Variants in CATSPERE observed in about 807,000 individuals in gnomAD.
The protein encoded by CATSPERE is cation channel sperm-associated auxiliary subunit epsilon.
In CATSPERE, 93 loss-of-function variants were observed where a neutral mutation model predicts 114.1. The observed-to-expected ratio is 0.81, with a 90% CI of 0.69 to 0.97. The LOEUF (loss-of-function observed/expected upper bound fraction) is 0.97, where lower values mean the gene tolerates loss of function less well. CATSPERE is among the 50% of genes least tolerant of loss of function. CATSPERE has a pLI of 0.00. For missense variants in CATSPERE, 1,058 were observed against 1,131.6 expected (o/e 0.93, Z 0.93); for synonymous variants, 341 against 384.1 (o/e 0.89, Z 1.31).
At chr1:244,455,545 CT>C (rs1421173672) in intron 1 of CATSPERE, among the ~76,000 whole-genome samples, 4 of 150,442 alleles carry the variant, frequency 2.7e-5, no homozygotes, top group Non-Finnish European at 5.9e-5. Context: ...TAAAAGTCAG[CT>C]TAATTAAAAG....
At chr1:244,523,818 C>G (rs1223093036) in intron 8 of CATSPERE, among the ~76,000 whole-genome samples, 1 of 147,332 alleles carries the variant, frequency 6.8e-6, no homozygotes, top group Admixed American at 6.7e-5. Flanking sequence ...CTACAAACCA[C>G]TGCTCAATGA....
In CATSPERE at chr1:244,590,505, G is replaced by A. The variant is rs551353302; in HGVS notation, c.2139-1176G>A. The stretch of plus-strand genomic sequence containing the variant: ...CAATGGAATTAAGTACCTTCACGAT[G>A]TTGTACAGCTAGCACCACTATCTAG... On this transcript the variant is annotated intron_variant, in intron 14 of 21. Coordinates refer to ENST00000366534, the MANE Select transcript of CATSPERE (RefSeq NM_001130957.2). Among the ~76,000 whole-genome samples the A allele has an allele frequency of 1.7e-4, 26 of 152,296 alleles. 1 individual carries two copies. Among genetic ancestry groups the A allele is most frequent in the Admixed American group, 1.6e-3 (24 of 15,300 alleles).
At chr1:244,454,284 A>C (rs1665918691), upstream of CATSPERE, 1 of 152,238 alleles carries the variant, frequency 6.6e-6, no homozygotes, top group Admixed American at 6.5e-5. Flanking sequence ...GGAGTGGATC[A>C]AAGACAACAG....
intron 8 of CATSPERE, among the ~76,000 whole-genome samples, chr1:244,536,993 C>G (rs1680488911): frequency 1.3e-5 from 2 of 151,724 alleles, no homozygotes; most frequent in South Asian, 4.2e-4. Context: ...CATCTGCAAA[C>G]AAAAACCAGT....
intron 4 of CATSPERE, 50 bp from the exon 5 acceptor site, chr1:244,479,667 C>T (rs1341041759): frequency 1.7e-6 from 2 of 1,159,036 alleles, no homozygotes; most frequent in South Asian, 1.3e-5. Flanking sequence ...TCCATATTTG[C>T]ATTTGATTTA....
rs1224936229 is a variant in CATSPERE at position 244,565,750 on chromosome 1, AGATTTC to A, written c.1507+4606_1507+4611del. 2.2e-3 allele frequency among the ~76,000 whole-genome samples: 341 copies of A among 152,100 alleles called. 1 individual carries two copies. Among genetic ancestry groups the A allele is most frequent in the African/African-American group, 7.9e-3 (327 of 41,512 alleles). On this transcript the variant is annotated intron_variant, in intron 10 of 21. Coordinates refer to ENST00000366534, the MANE Select transcript of CATSPERE (RefSeq NM_001130957.2). ...AGATTTCATAGATTCATAGATTCATAGATTTCAAGATTCATAGATTCTTTTCAAAAA... is the reference window on the plus strand; with the variant it reads ...AGATTTCATAGATTCATAGATTCATAAAGATTCATAGATTCTTTTCAAAAA...
chr1:244,623,458 A>G (rs1672667339), intron 20 of CATSPERE, among the ~76,000 whole-genome samples: 1 of 152,232 alleles, frequency 6.6e-6, no homozygotes, highest in South Asian at 2.1e-4. Flanking sequence ...CACTCGTTAT[A>G]TCCATGTGTG....
At position 244,573,451 on chromosome 1, in the gene CATSPERE, C is replaced by T. The variant is rs924360882; in HGVS notation, c.1950+679C>T. On this transcript the variant is annotated intron_variant, in intron 11 of 21. Transcript: ENST00000366534. The surrounding 1 kb of genome is among the most constrained non-coding windows in gnomAD (Gnocchi z 4.0). ...ACAAAACAAAACAAAACAAAAAAAC[C>T]AATTCTATCCGTCAATAGTTTGGGC... Among the ~76,000 whole-genome samples the T allele has an allele frequency of 1.5e-5, 2 of 130,876 alleles. No individual in the cohort carries two copies. The highest frequency in any genetic ancestry group is 3.2e-5 in the Non-Finnish European group (2 of 61,596). 85.9% of individuals were successfully genotyped at this position (130,876 alleles called of 152,430 possible).
At chr1:244,493,838 A>C (rs1427140960) in intron 6 of CATSPERE, among the ~76,000 whole-genome samples, 4 of 152,244 alleles carry the variant, frequency 2.6e-5, no homozygotes, top group Non-Finnish European at 1.5e-5. Flanking sequence ...CAGCCAAAAA[A>C]CACATGAAAA....
Position 244,638,711 on chromosome 1 carries a change from C to T in CATSPERE, c.2703-1217C>T, listed in dbSNP as rs114979724. ...TATTTAATCTACCTTAAAACTGATCCGTCAGGGCAATTACATATAGCCATA... is the reference window on the plus strand; with the variant it reads ...TATTTAATCTACCTTAAAACTGATCTGTCAGGGCAATTACATATAGCCATA... On this transcript the variant is annotated intron_variant, in intron 21 of 21. Coordinates refer to ENST00000366534, the MANE Select transcript of CATSPERE (RefSeq NM_001130957.2). Among the ~76,000 whole-genome samples the T allele has an allele frequency of 9.4e-3, 1,430 of 152,270 alleles. 6 individuals are homozygous for T. The highest frequency in any genetic ancestry group is 0.037 in the Middle Eastern group (11 of 294).
At chr1:244,579,234 A>C (rs1665806250) in intron 11 of CATSPERE, among the ~76,000 whole-genome samples, 1 of 151,468 alleles carries the variant, frequency 6.6e-6, no homozygotes. Flanking sequence ...CACATAGTAC[A>C]GTGTGTACTG....
At chr1:244,545,903 A>C (rs3003235) in intron 8 of CATSPERE, among the ~76,000 whole-genome samples, 107,990 of 152,104 alleles carry the variant, frequency 0.71, 40,290 homozygotes, top group East Asian at 0.87. Flanking sequence ...ATTTGCACCT[A>C]TGGTCTCATG....
upstream of CATSPERE, among the ~76,000 whole-genome samples, chr1:244,458,660 T>C (rs893497479): frequency 2.0e-5 from 3 of 152,262 alleles, no homozygotes; most frequent in Non-Finnish European, 4.4e-5. Flanking sequence ...GAGTAAAATA[T>C]ACTCCTGTGA....
intron 6 of CATSPERE, among the ~76,000 whole-genome samples, chr1:244,498,065 A>G (rs1673404226): frequency 6.6e-6 from 1 of 152,214 alleles, no homozygotes; most frequent in African/African-American, 2.4e-5. Context: ...TCAAAGTTGT[A>G]CAAAGTTGCT....
In CATSPERE at chr1:244,543,347, C is replaced by T. The variant is rs150070641; in HGVS notation, c.537-8975C>T. On this transcript the variant is annotated intron_variant, in intron 8 of 21. Transcript: ENST00000366534. ...TGTCACGTGCAACAACATAGGGAAA[C>T]CCGAAGGACATAACACTAAGTGAAA... is the stretch of plus-strand genomic sequence containing the variant. Among the ~76,000 whole-genome samples, 722 of 151,996 alleles carry T rather than the reference C, an allele frequency of 4.8e-3. 6 individuals are homozygous for T. The highest frequency in any genetic ancestry group is 0.017 in the African/African-American group (690 of 41,464).
intron 2 of CATSPERE, among the ~76,000 whole-genome samples, chr1:244,476,298 A>T (rs1207651821): frequency 6.6e-6 from 1 of 152,070 alleles, no homozygotes; most frequent in Non-Finnish European, 1.5e-5. Flanking sequence ...AAAAAGAAAA[A>T]ACTTTAGGAA....
intron 6 of CATSPERE, among the ~76,000 whole-genome samples, chr1:244,495,943 T>C (rs1673014091): frequency 6.6e-6 from 1 of 152,206 alleles, no homozygotes; most frequent in African/African-American, 2.4e-5. Context: ...AATACAACTT[T>C]GCAAGCAGTC....
At chr1:244,524,868 G>C (rs1343929149) in intron 8 of CATSPERE, among the ~76,000 whole-genome samples, 5 of 145,546 alleles carry the variant, frequency 3.4e-5, no homozygotes, top group Admixed American at 6.7e-5. Flanking sequence ...TGGAGAAATA[G>C]GAACACTTTT....
chr1:244,621,515 T>C (rs555470457), intron 20 of CATSPERE, among the ~76,000 whole-genome samples: 74 of 151,294 alleles, frequency 4.9e-4, no homozygotes, highest in Non-Finnish European at 9.0e-4. Context: ...CTCTGGAGGA[T>C]TGTGCTTTAA....
Sources: gnomAD v4.1 joint callset for allele counts (sites outside exome capture counted in the v4.1 genomes callset) on GRCh38, gnomAD v4.1.1 for gene constraint, Gnocchi (gnomAD v3.1) non-coding constraint, MANE v1.5 for transcripts, NCBI Gene and HGNC (gene_info 2026-07-23, HGNC 2026-07-21) for gene names.